ARHGEF7: variants seen among roughly 807,000 people sequenced by gnomAD.
ARHGEF7 encodes Rho guanine nucleotide exchange factor 7.
In ARHGEF7, 33 loss-of-function variants were observed where a neutral mutation model predicts 109.8. The ratio of observed to expected loss-of-function variants is 0.30; its 90% CI spans 0.23 to 0.40. The LOEUF (loss-of-function observed/expected upper bound fraction) is 0.40, where lower values mean the gene tolerates loss of function less well. ARHGEF7 is among the 10% of genes least tolerant of loss of function. ARHGEF7 has a pLI of 1.00. For missense variants in ARHGEF7, 938 were observed against 1,098.5 expected, an observed-to-expected ratio of 0.85 and a Z score of 2.07; for synonymous variants, 458 against 424.6, an observed-to-expected ratio of 1.08 and a Z score of -0.97.
intron 2 of ARHGEF7, chr13:111,182,079 AT>A (rs1292094864): frequency 6.6e-6 from 1 of 152,216 alleles, no homozygotes; most frequent in Non-Finnish European, 1.5e-5. Flanking sequence ...GGAGGGTTTT[AT>A]TCACAAGAGT....
intron 2 of ARHGEF7, among the ~76,000 whole-genome samples, chr13:111,193,551 A>G (rs1168307765): frequency 2.0e-5 from 3 of 152,218 alleles, no homozygotes; most frequent in Non-Finnish European, 4.4e-5. Context: ...ATATTGCAGC[A>G]TGGGCATGTA....
In ARHGEF7 at chr13:111,211,120, C is replaced by T. The variant is rs142815888; in HGVS notation, c.468+1118C>T. Among the ~76,000 whole-genome samples, 469 of 152,260 alleles carry T rather than the reference C, an allele frequency of 3.1e-3. 3 individuals are homozygous for T. The highest frequency in any genetic ancestry group is 0.011 in the African/African-American group (443 of 41,550). ...GTCTGACTGCTTCAGGCGTGGTGGG[C>T]GGTGGGCTGCATGGCCTGAGTGCTG... On this transcript the variant is annotated intron_variant, in intron 4 of 21. Transcript: ENST00000646102.
At position 111,145,058 on chromosome 13, in the gene ARHGEF7, G is replaced by T. The variant is rs1017076123; in HGVS notation, c.166-8847G>T. 1.3e-5 allele frequency among the ~76,000 whole-genome samples: 2 copies of T among 151,632 alleles called. No individual in the cohort carries two copies. The highest frequency in any genetic ancestry group is 2.4e-5 in the African/African-American group (1 of 41,174). On this transcript the variant is annotated intron_variant, in intron 1 of 21. Coordinates refer to ENST00000646102, the MANE Select transcript of ARHGEF7 (RefSeq NM_001354046.2). This position sits in a 1 kb window ranked among gnomAD's most constrained non-coding sequence, Gnocchi z 4.3. The stretch of plus-strand genomic sequence containing the variant: ...CTTTTTTTTTTTAAAAACACAAAAG[G>T]TAGATATTATCCACGGTGTTCCCCA...
intron 2 of ARHGEF7, among the ~76,000 whole-genome samples, chr13:111,178,234 T>G (rs908679376): frequency 3.3e-5 from 5 of 152,206 alleles, no homozygotes; most frequent in Non-Finnish European, 7.3e-5. Context: ...CCTGAGGAGT[T>G]CCCTTATGTC....
chr13:111,206,531 A>G (rs535226473), intron 3 of ARHGEF7, among the ~76,000 whole-genome samples: 81 of 152,352 alleles, frequency 5.3e-4, no homozygotes, highest in African/African-American at 1.8e-3. Context: ...AGGACTGTTC[A>G]GATGAAAGCA....
intron 2 of ARHGEF7, among the ~76,000 whole-genome samples, chr13:111,165,641 A>G (rs1376962449): frequency 6.6e-6 from 1 of 152,212 alleles, no homozygotes; most frequent in Admixed American, 6.5e-5. Context: ...CATTAGCTGT[A>G]GTCTGTTGAA....
chr13:111,267,382 C>T (rs2091744736), intron 8 of ARHGEF7, among the ~76,000 whole-genome samples, 166 bp from the exon 9 acceptor site: 1 of 152,070 alleles, frequency 6.6e-6, no homozygotes, highest in South Asian at 2.1e-4. Context: ...CTTCTCCTTG[C>T]TAGACTCAAG....
Position 111,274,009 on chromosome 13 carries a change from A to C in ARHGEF7, c.1212+57A>C. On this transcript the variant is annotated intron_variant, in intron 10 of 21. Coordinates refer to ENST00000646102, the MANE Select transcript of ARHGEF7 (RefSeq NM_001354046.2). Reference sequence around the variant, plus strand: ...CTTACCAAGGGTTAGTGGCATGGTCAGACTTACTGTGAAAGAAAGTATTAT... The same window carrying C: ...CTTACCAAGGGTTAGTGGCATGGTCCGACTTACTGTGAAAGAAAGTATTAT... The C allele has an allele frequency of 7.6e-6, 12 of 1,575,294 alleles. No homozygotes were observed. The Admixed American group carries it at 1.9e-4, about 25-fold the overall frequency.
At chr13:111,208,706 A>C (rs1469631263) in intron 3 of ARHGEF7, among the ~76,000 whole-genome samples, 1 of 152,100 alleles carries the variant, frequency 6.6e-6, no homozygotes, top group African/African-American at 2.4e-5. Context: ...TCTCAAGCAG[A>C]ATGTGCTCTA....
intron 5 of ARHGEF7, among the ~76,000 whole-genome samples, chr13:111,223,553 A>T (rs113444769): frequency 3.3e-5 from 5 of 152,234 alleles, no homozygotes; most frequent in African/African-American, 1.2e-4. Flanking sequence ...TTCCCTGGGG[A>T]AGTGTAGCCA....
At chr13:111,205,406 G>A in intron 3 of ARHGEF7, 33 bp downstream of exon 3, 1 of 1,483,632 alleles carries the variant, frequency 6.7e-7, no homozygotes, top group Non-Finnish European at 9.1e-7. Flanking sequence ...TCGAGGGGGT[G>A]GGAAGACATA....
intron 5 of ARHGEF7, among the ~76,000 whole-genome samples, chr13:111,218,647 T>A (rs1024640421): frequency 4.6e-5 from 7 of 152,184 alleles, no homozygotes; most frequent in Non-Finnish European, 8.8e-5. Flanking sequence ...AAGGACATGA[T>A]ACAAAATTGT....
chr13:111,119,767 C>G (rs1387522018), intron 1 of ARHGEF7, among the ~76,000 whole-genome samples: 3 of 152,138 alleles, frequency 2.0e-5, no homozygotes, highest in African/African-American at 7.2e-5. Flanking sequence ...ACTTTCTGCT[C>G]AGTGTCAGGA....
intron 2 of ARHGEF7, among the ~76,000 whole-genome samples, chr13:111,194,216 T>TG (rs2080236932): frequency 2.0e-5 from 3 of 152,212 alleles, no homozygotes; most frequent in African/African-American, 7.2e-5. Context: ...ATTCCTGCTC[T>TG]CTCTCTGATA....
chr13:111,188,996 A>G (rs1024228815), intron 2 of ARHGEF7, among the ~76,000 whole-genome samples: 6 of 152,216 alleles, frequency 3.9e-5, no homozygotes, highest in Non-Finnish European at 5.9e-5. Context: ...TTATTATGTC[A>G]GTTATGTGTT....
intron 1 of ARHGEF7, among the ~76,000 whole-genome samples, chr13:111,151,699 C>T (rs559234475): frequency 2.8e-4 from 42 of 152,318 alleles, no homozygotes; most frequent in African/African-American, 9.9e-4. Flanking sequence ...GCTTATCTAA[C>T]ACATGTATTT....
intron 2 of ARHGEF7, chr13:111,185,158 A>T (rs1459885831): frequency 6.6e-6 from 1 of 151,978 alleles, no homozygotes; most frequent in Non-Finnish European, 1.5e-5. Context: ...GCTTCTTTTT[A>T]ATTAGAGAGG....
At chr13:111,234,047 T>C (rs2086459043) in intron 6 of ARHGEF7, among the ~76,000 whole-genome samples, 1 of 152,216 alleles carries the variant, frequency 6.6e-6, no homozygotes, top group African/African-American at 2.4e-5. Flanking sequence ...AACATGTGTA[T>C]GTTTTGAATT....
chr13:111,304,035 A>T lies in ARHGEF7; in HGVS notation c.*922A>T, dbSNP rs1489023531. On this transcript the variant is annotated 3_prime_UTR_variant, in exon 22 of 22. Coordinates refer to ENST00000646102, the MANE Select transcript of ARHGEF7 (RefSeq NM_001354046.2). ...CAGCTGATGAAAACAGATGGAGGCC[A>T]TGCTGCAGGCTGATACTGATGGGTG... 1 of 152,282 alleles carries T rather than the reference A, an allele frequency of 6.6e-6. No homozygotes were observed. The highest frequency in any genetic ancestry group is 2.4e-5 in the African/African-American group (1 of 41,470). 9.4% of individuals were successfully genotyped at this position (152,282 alleles called of 1,614,324 possible).
Sources: gnomAD v4.1 joint callset for allele counts (sites outside exome capture counted in the v4.1 genomes callset) on GRCh38, gnomAD v4.1.1 for gene constraint, Gnocchi (gnomAD v3.1) non-coding constraint, MANE v1.5 for transcripts, NCBI Gene and HGNC (gene_info 2026-07-23, HGNC 2026-07-21) for gene names.